Variants in APLN observed in about 807,000 individuals in gnomAD.
The protein encoded by APLN is apelin.
In APLN, 2 loss-of-function variants were observed where a neutral mutation model predicts 4.3. The ratio of observed to expected loss-of-function variants is 0.46; its 90% CI spans 0.19 to 1.45. APLN has a LOEUF of 1.45. APLN is among the 40% of genes most tolerant of loss of function. APLN has a pLI of 0.25. For synonymous variants in APLN, 34 were observed against 30.4 expected (o/e 1.12, Z -0.38); for missense variants, 80 against 70.0 (o/e 1.14, Z -0.51).
Position 129,646,894 on chromosome X carries a change from C to A in APLN, c.*1029G>T, listed in dbSNP as rs1382195984. The A allele has an allele frequency of 8.9e-6, 1 of 112,721 alleles. No individual in the cohort carries two copies. The highest frequency in any genetic ancestry group is 2.8e-4 in the East Asian group (1 of 3,546). The allele number at this position is 112,721 out of a possible 1,213,427, so 9.3% of individuals were successfully genotyped here. A position where few individuals can be genotyped will look rare whatever the true frequency, so the allele number is the denominator to read the frequency against. On this transcript the variant is annotated 3_prime_UTR_variant, in exon 3 of 3. Coordinates refer to ENST00000429967, the MANE Select transcript of APLN (RefSeq NM_017413.5). ...CTCTCCCTTCCCTTCCCCTCCCAGCCACCCCCAGCCCCAGCCTCGGGAAAA... is the reference window on the plus strand; with the variant it reads ...CTCTCCCTTCCCTTCCCCTCCCAGCAACCCCCAGCCCCAGCCTCGGGAAAA...
chrX:129,650,941 G>T (rs1936974951), intron 1 of APLN, among the ~76,000 whole-genome samples: 1 of 111,886 alleles, frequency 8.9e-6, no homozygotes, highest in Admixed American at 9.4e-5. Flanking sequence ...TCTCACCTCT[G>T]CACCTTCGAC....
At chrX:129,650,532 G>A (rs1253878559) in intron 1 of APLN, among the ~76,000 whole-genome samples, 1 of 111,504 alleles carries the variant, frequency 9.0e-6, no homozygotes, top group African/African-American at 3.3e-5. Flanking sequence ...AAGAAAAATT[G>A]CCAGGCCCAT....
chrX:129,654,512 G>T lies in APLN; in HGVS notation c.67+52C>A, dbSNP rs1378410460. On this transcript the variant is annotated intron_variant, in intron 1 of 2. Transcript: ENST00000429967. ...CGGGGAGAGTGCGAATAGGGCGGAG[G>T]GAAAGGAGCACGCCGGCTGCAGCCC... 7 of 1,113,222 alleles carry T rather than the reference G, an allele frequency of 6.3e-6. No individual in the cohort carries two copies. In the African/African-American group the frequency reaches 1.1e-4, roughly 18 times the overall value. The allele number at this position is 1,113,222 out of a possible 1,213,427, so 91.7% of individuals were successfully genotyped here. A position where few individuals can be genotyped will look rare whatever the true frequency, so the allele number is the denominator to read the frequency against.
chrX:129,650,944 C>T (rs1257067994), intron 1 of APLN, among the ~76,000 whole-genome samples: 1 of 111,780 alleles, frequency 8.9e-6, no homozygotes, highest in African/African-American at 3.3e-5. Context: ...CACCTCTGCA[C>T]CTTCGACTGC....
Position 129,647,716 on chromosome X carries a change from C to G in APLN, c.*207G>C. On this transcript the variant is annotated 3_prime_UTR_variant, in exon 3 of 3. Transcript: ENST00000429967. ...GCCAGGAAGATGGACTGGACGGATT[C>G]TTGTGAGAGAACGGGAATCATCCAA... 2.0e-6 allele frequency: 2 copies of G among 982,865 alleles called. No individual in the cohort carries two copies. Among genetic ancestry groups the G allele is most frequent in the Non-Finnish European group, 2.6e-6 (2 of 756,117 alleles). 81.0% of individuals were successfully genotyped at this position (982,865 alleles called of 1,213,427 possible). A position where few individuals can be genotyped will look rare whatever the true frequency, so the allele number is the denominator to read the frequency against.
intron 2 of APLN, among the ~76,000 whole-genome samples, 170 bp from the exon 3 acceptor site, chrX:129,648,087 G>A (rs1020555516): frequency 1.8e-5 from 2 of 111,678 alleles, no homozygotes; most frequent in Admixed American, 1.9e-4. Context: ...CCCCACTGCA[G>A]TGGGACAGCC....
rs962580751 is a variant in APLN at position 129,647,598 on chromosome X, G to A, written c.*325C>T. The A allele has an allele frequency of 2.0e-5, 19 of 971,101 alleles. No individual in the cohort carries two copies. The highest frequency in any genetic ancestry group is 6.4e-4 in the Middle Eastern group (2 of 3,121). The allele number at this position is 971,101 out of a possible 1,213,427, so 80.0% of individuals were successfully genotyped here. A position where few individuals can be genotyped will look rare whatever the true frequency, so the allele number is the denominator to read the frequency against. ...GAAGGCCCAAATGAAGGTTTGGGGC[G>A]TTAGATGAGACAGGCAGGGACTAGG... On this transcript the variant is annotated 3_prime_UTR_variant, in exon 3 of 3. Transcript: ENST00000429967.
intron 1 of APLN, among the ~76,000 whole-genome samples, chrX:129,649,403 G>C (rs1372414472): frequency 9.0e-6 from 1 of 111,231 alleles, no homozygotes; most frequent in Non-Finnish European, 1.9e-5. Flanking sequence ...CTCGCCCCTG[G>C]GTGTCTCATC....
chrX:129,646,199 A>AAGCAGC lies in APLN; in HGVS notation c.*1718_*1723dup, dbSNP rs70961724. 31 of 122,341 alleles carry AAGCAGC rather than the reference A, an allele frequency of 2.5e-4. No individual in the cohort carries two copies. Among genetic ancestry groups the AAGCAGC allele is most frequent in the South Asian group, 1.1e-3 (5 of 4,438 alleles). The allele number at this position is 122,341 out of a possible 1,213,427, so 10.1% of individuals were successfully genotyped here. ...GTCCCCACTCCAAGCATGAGCCTTT[A>AAGCAGC]AGCAGCAGCAGCAGCAGCAGCAGCG... On this transcript the variant is annotated 3_prime_UTR_variant, in exon 3 of 3. Coordinates refer to ENST00000429967, the MANE Select transcript of APLN (RefSeq NM_017413.5).
At chrX:129,654,200 G>T (rs1375077061) in intron 1 of APLN, among the ~76,000 whole-genome samples, 1 of 113,216 alleles carries the variant, frequency 8.8e-6, no homozygotes, top group Non-Finnish European at 1.9e-5. Context: ...TCCTTCCATC[G>T]ATCCACGAGG....
rs777761840 is a variant in APLN, at chrX:129,648,785, C to T, written c.75G>A (p.Leu25=). Reference sequence around the variant, plus strand: ...GCCCATTCCCATCGGGAAGCGGCATCAGGGACCCTGCAGGAAGGAGAAAGC... The same window carrying T: ...GCCCATTCCCATCGGGAAGCGGCATTAGGGACCCTGCAGGAAGGAGAAAGC... ...LSLTAVCGGS[L]MPLPDGNGLE... The change falls in exon 2 of 3, where the codon CTG becomes CTA. Residue 25 remains leucine, a synonymous_variant. Coordinates refer to ENST00000429967, the MANE Select transcript of APLN (RefSeq NM_017413.5). 1.7e-6 allele frequency: 2 copies of T among 1,165,027 alleles called. No individual in the cohort carries two copies. The highest frequency in any genetic ancestry group is 2.3e-6 in the Non-Finnish European group (2 of 872,479).
rs1925010078 is a variant in APLN, at chrX:129,654,672, G to A, written c.-42C>T. 2.0e-6 allele frequency: 2 copies of A among 1,022,423 alleles called. No homozygotes were observed. The highest frequency in any genetic ancestry group is 4.0e-5 in the African/African-American group (2 of 50,011). The allele number at this position is 1,022,423 out of a possible 1,213,427, so 84.3% of individuals were successfully genotyped here. On this transcript the variant is annotated 5_prime_UTR_variant, in exon 1 of 3. Transcript: ENST00000429967. Reference sequence around the variant, plus strand: ...CCGCGGCCCCGGCGAGCCGGCGCGGGGGAGGAGAGGTCGGGCGCCCGGAGG... The same window carrying A: ...CCGCGGCCCCGGCGAGCCGGCGCGGAGGAGGAGAGGTCGGGCGCCCGGAGG...
intron 1 of APLN, 27 bp from the exon 2 acceptor site, chrX:129,648,819 G>A: frequency 8.8e-7 from 1 of 1,140,261 alleles, no homozygotes; most frequent in African/African-American, 1.8e-5. Context: ...GCCTGTTAGT[G>A]AGGAAGGTTG....
chrX:129,651,762 G>A (rs1486575361), intron 1 of APLN, among the ~76,000 whole-genome samples: 1 of 112,263 alleles, frequency 8.9e-6, no homozygotes, highest in Non-Finnish European at 1.9e-5. Flanking sequence ...CAGGAATGAC[G>A]CACCTGTTTT....
At chrX:129,654,536 C>T (rs910429746) in intron 1 of APLN, 28 bp downstream of exon 1, 2 of 1,143,353 alleles carry the variant, frequency 1.7e-6, no homozygotes, top group Admixed American at 2.7e-5. Flanking sequence ...CGGCTGCAGC[C>T]CGGGCGAGCG....
chrX:129,653,925 G>C (rs1260002035), intron 1 of APLN, among the ~76,000 whole-genome samples: 1 of 111,730 alleles, frequency 9.0e-6, no homozygotes, highest in Non-Finnish European at 1.9e-5. Flanking sequence ...TGGGGTTAGG[G>C]AGGAGAAGAC....
rs774466894 is a variant in APLN at position 129,646,273 on chromosome X, A to G, written c.*1650T>C. ...GCTTGGGGGAGGTGGATAGGCAAAC[A>G]TTGGGGCTATTGTGGGACTTGGGGG... On this transcript the variant is annotated 3_prime_UTR_variant, in exon 3 of 3. Coordinates refer to ENST00000429967, the MANE Select transcript of APLN (RefSeq NM_017413.5). 2.7e-4 allele frequency: 31 copies of G among 114,461 alleles called. 1 individual carries two copies. The highest frequency in any genetic ancestry group is 2.1e-3 in the Admixed American group (23 of 10,780). The allele number at this position is 114,461 out of a possible 1,213,427, so 9.4% of individuals were successfully genotyped here. A position where few individuals can be genotyped will look rare whatever the true frequency, so the allele number is the denominator to read the frequency against.
At position 129,648,719 on chromosome X, in the gene APLN, C is replaced by A; in HGVS notation, c.141G>T (p.Gly47=). 8.5e-7 allele frequency: 1 copy of A among 1,178,721 alleles called. No individual in the cohort carries two copies. Among genetic ancestry groups the A allele is most frequent in the Non-Finnish European group, 1.1e-6 (1 of 878,538 alleles). ...GNVRHLVQPR[G]SRNGPGPWQG... ...GCCAGGGCCCTGGCCCATTCCTTGA[C>A]CCTCTGGGCTGCACCAGGTGGCGGA... The change falls in exon 2 of 3, where the codon GGG becomes GGT. Residue 47 remains glycine, a synonymous_variant. Transcript: ENST00000429967.
Position 129,647,701 on chromosome X carries a change from T to C in APLN, c.*222A>G, listed in dbSNP as rs1304076900. 2 of 980,696 alleles carry C rather than the reference T, an allele frequency of 2.0e-6. No homozygotes were observed. The highest frequency in any genetic ancestry group is 2.6e-6 in the Non-Finnish European group (2 of 755,739). 80.8% of individuals were successfully genotyped at this position (980,696 alleles called of 1,213,427 possible). A position where few individuals can be genotyped will look rare whatever the true frequency, so the allele number is the denominator to read the frequency against. On this transcript the variant is annotated 3_prime_UTR_variant, in exon 3 of 3. Coordinates refer to ENST00000429967, the MANE Select transcript of APLN (RefSeq NM_017413.5). ...TCAGTCCAGGGAGGGGCCAGGAAGATGGACTGGACGGATTCTTGTGAGAGA... is the reference window on the plus strand; with the variant it reads ...TCAGTCCAGGGAGGGGCCAGGAAGACGGACTGGACGGATTCTTGTGAGAGA...
Sources: gnomAD v4.1 joint callset for allele counts (sites outside exome capture counted in the v4.1 genomes callset) on GRCh38, gnomAD v4.1.1 for gene constraint, MANE v1.5 for transcripts, NCBI Gene and HGNC (gene_info 2026-07-23, HGNC 2026-07-21) for gene names.